Variants in DLGAP1 observed in about 807,000 individuals in gnomAD.
The protein encoded by DLGAP1 is disks large-associated protein 1.
In DLGAP1, 11 loss-of-function variants were observed where a neutral mutation model predicts 90.8. The observed-to-expected ratio is 0.12, with a 90% confidence interval of 0.08 to 0.20. The LOEUF (loss-of-function observed/expected upper bound fraction) is 0.20. Among genes scored for constraint, DLGAP1 ranks in the 10% least tolerant of loss-of-function variants. The probability of loss-of-function intolerance (pLI) is 1.00; values close to 1 mark genes in which losing one functional copy is unlikely to be tolerated. For missense variants in DLGAP1, 1,050 were observed against 1,333.8 expected, an observed-to-expected ratio of 0.79 and a Z score of 3.31; for synonymous variants, 558 against 540.7, an observed-to-expected ratio of 1.03 and a Z score of -0.44.
chr18:4,312,133 G>A (rs1332094889), intron 1 of DLGAP1, among the ~76,000 whole-genome samples: 1 of 152,198 alleles, frequency 6.6e-6, no homozygotes, highest in Non-Finnish European at 1.5e-5. Context: ...CTACAGGCAT[G>A]AGCCACTGTG....
At chr18:4,171,855 C>T (rs1262049138) in intron 1 of DLGAP1, among the ~76,000 whole-genome samples, 1 of 152,168 alleles carries the variant, frequency 6.6e-6, no homozygotes, top group Admixed American at 6.5e-5. Context: ...ATCCTTTTCA[C>T]AAGTTCACTT....
intron 1 of DLGAP1, among the ~76,000 whole-genome samples, chr18:4,236,677 A>T (rs1413934286): frequency 6.6e-6 from 1 of 151,722 alleles, no homozygotes; most frequent in East Asian, 1.9e-4. Flanking sequence ...CCCCATGTTG[A>T]GCTACTTTCA....
rs559467979 is a variant in DLGAP1, at chr18:3,724,224, C to T, written c.1591+4911G>A. Among the ~76,000 whole-genome samples, 5 of 152,156 alleles carry T rather than the reference C, an allele frequency of 3.3e-5. No individual in the cohort carries two copies. In the East Asian group the frequency reaches 5.8e-4, roughly 18 times the overall value. On this transcript the variant is annotated intron_variant, in intron 7 of 12. Coordinates refer to ENST00000315677, the MANE Select transcript of DLGAP1 (RefSeq NM_004746.4). ...TGGCATGTGCCTGTGGTCCCAGCTACTCTAGAGGTTGAGGTGAGAGGATCA... is the reference window on the plus strand; with the variant it reads ...TGGCATGTGCCTGTGGTCCCAGCTATTCTAGAGGTTGAGGTGAGAGGATCA...
intron 3 of DLGAP1, among the ~76,000 whole-genome samples, chr18:3,969,157 G>A (rs1433070287): frequency 6.6e-6 from 1 of 152,146 alleles, no homozygotes; most frequent in Non-Finnish European, 1.5e-5. Context: ...AAAATTTGAA[G>A]ATTGAAGTAG....
chr18:4,130,498 T>C (rs1373608165), intron 2 of DLGAP1, among the ~76,000 whole-genome samples: 2 of 152,182 alleles, frequency 1.3e-5, no homozygotes, highest in East Asian at 3.9e-4. Context: ...ATTCATTTAT[T>C]TTATATTTAT....
chr18:3,755,577 G>T (rs1412327056), intron 5 of DLGAP1, among the ~76,000 whole-genome samples: 1 of 152,108 alleles, frequency 6.6e-6, no homozygotes, highest in South Asian at 2.1e-4. Context: ...AAAGACACAA[G>T]GGGCGTCTTA....
At chr18:3,674,292 T>TA (rs1407503668) in intron 7 of DLGAP1, among the ~76,000 whole-genome samples, 9 of 96,206 alleles carry the variant, frequency 9.4e-5, no homozygotes, top group African/African-American at 1.7e-4. Flanking sequence ...CTCTATAATA[T>TA]TAAAATATAT....
intron 3 of DLGAP1, among the ~76,000 whole-genome samples, chr18:3,892,847 T>A (rs561387656): frequency 6.8e-6 from 1 of 146,004 alleles, no homozygotes; most frequent in Admixed American, 6.7e-5. Context: ...TTTGTTCAAA[T>A]CTAACCACTT....
At position 3,514,980 on chromosome 18, in the gene DLGAP1, C is replaced by T. The variant is rs568070105; in HGVS notation, c.2480-6319G>A. ...CTGGTCTCAAGCTTCTGGCCTCAAG[C>T]GATCCACTCATCTTGGACTCCCAAA... On this transcript the variant is annotated intron_variant, in intron 10 of 12. Coordinates refer to ENST00000315677, the MANE Select transcript of DLGAP1 (RefSeq NM_004746.4). 5.3e-5 allele frequency among the ~76,000 whole-genome samples: 8 copies of T among 152,178 alleles called. No individual in the cohort carries two copies. The East Asian group carries it at 7.7e-4, about 15-fold the overall frequency.
chr18:4,041,420 T>A (rs2074973020), intron 2 of DLGAP1, among the ~76,000 whole-genome samples: 1 of 152,236 alleles, frequency 6.6e-6, no homozygotes, highest in Non-Finnish European at 1.5e-5. Flanking sequence ...ATTTGCAACA[T>A]CAATATGTGA....
intron 5 of DLGAP1, among the ~76,000 whole-genome samples, chr18:3,804,619 T>C (rs1284833271): frequency 2.0e-5 from 3 of 152,056 alleles, no homozygotes; most frequent in African/African-American, 7.2e-5. Context: ...GGGGGAAGAA[T>C]TGAAGAGAAC....
intron 1 of DLGAP1, among the ~76,000 whole-genome samples, chr18:4,215,413 A>T (rs960900038): frequency 2.0e-5 from 3 of 152,166 alleles, no homozygotes; most frequent in African/African-American, 7.2e-5. Context: ...GAAGATATTA[A>T]CAAATAACTA....
chr18:3,724,019 C>T (rs2062068512), intron 7 of DLGAP1, among the ~76,000 whole-genome samples: 1 of 152,096 alleles, frequency 6.6e-6, no homozygotes, highest in East Asian at 1.9e-4. Context: ...TAATAAATTC[C>T]TCTAATAAGA....
At chr18:3,758,698 A>T (rs2147884077) in intron 5 of DLGAP1, among the ~76,000 whole-genome samples, 1 of 152,326 alleles carries the variant, frequency 6.6e-6, no homozygotes, top group East Asian at 1.9e-4. Flanking sequence ...GTCCTCCATA[A>T]CATCCAGCAT....
At chr18:3,668,782 A>G (rs2059972130) in intron 7 of DLGAP1, among the ~76,000 whole-genome samples, 1 of 152,022 alleles carries the variant, frequency 6.6e-6, no homozygotes, top group African/African-American at 2.4e-5. Flanking sequence ...CAGATCACCT[A>G]AGGCCAGGAG....
At chr18:4,361,862 T>C (rs2081636893) in intron 1 of DLGAP1, among the ~76,000 whole-genome samples, 1 of 152,092 alleles carries the variant, frequency 6.6e-6, no homozygotes. Context: ...CCAAAATGAA[T>C]AGAGAACTCC....
chr18:4,420,797 C>T lies in DLGAP1; in HGVS notation c.-267+34209G>A, dbSNP rs372813598. ...TTGTTCCACTTCCTTAATTACCTACCGTGGTGATTCATATTTCCCTCCATT... is the reference window on the plus strand; with the variant it reads ...TTGTTCCACTTCCTTAATTACCTACTGTGGTGATTCATATTTCCCTCCATT... On this transcript the variant is annotated intron_variant, in intron 1 of 12. Transcript: ENST00000315677. 4.6e-5 allele frequency among the ~76,000 whole-genome samples: 7 copies of T among 152,276 alleles called. No homozygotes were observed. In the South Asian group the frequency reaches 1.2e-3, roughly 27 times the overall value.
At chr18:3,648,840 A>T (rs1386463571) in intron 7 of DLGAP1, among the ~76,000 whole-genome samples, 1 of 152,244 alleles carries the variant, frequency 6.6e-6, no homozygotes, top group African/African-American at 2.4e-5. Flanking sequence ...GTGGCAGATT[A>T]TCGTTTGCAG....
intron 2 of DLGAP1, among the ~76,000 whole-genome samples, chr18:4,020,577 A>G (rs902255635): frequency 4.6e-5 from 7 of 152,162 alleles, no homozygotes; most frequent in Admixed American, 2.0e-4. Context: ...ATTATAACTG[A>G]GGAAATTATG....
Sources: gnomAD v4.1 joint callset for allele counts (sites outside exome capture counted in the v4.1 genomes callset) on GRCh38, gnomAD v4.1.1 for gene constraint, MANE v1.5 for transcripts, NCBI Gene and HGNC (gene_info 2026-07-23, HGNC 2026-07-21) for gene names.